TENM2: variants seen among roughly 807,000 people sequenced by gnomAD.
TENM2 encodes the protein teneurin transmembrane protein 2.
Under a neutral mutation model 245.2 loss-of-function variants are expected in TENM2, and 52 were observed. That is an observed-to-expected ratio of 0.21 (90% CI 0.17 to 0.27). TENM2 has a LOEUF of 0.27. Among genes scored for constraint, TENM2 ranks in the 10% least tolerant of loss-of-function variants. The probability of loss-of-function intolerance (pLI) is 1.00; values close to 1 mark genes in which losing one functional copy is unlikely to be tolerated. For synonymous variants in TENM2, 1,363 were observed against 1,438.9 expected (o/e 0.95, Z 1.19); for missense variants, 3,046 against 3,666.8 (o/e 0.83, Z 4.37).
intron 2 of TENM2, among the ~76,000 whole-genome samples, chr5:167,485,226 G>A (rs769781596): frequency 2.0e-5 from 3 of 152,158 alleles, no homozygotes; most frequent in African/African-American, 4.8e-5. Context: ...AGTGCTGGGA[G>A]AACTGAAGAC....
At chr5:167,775,046 C>T (rs1002804153) in intron 2 of TENM2, among the ~76,000 whole-genome samples, 8 of 152,012 alleles carry the variant, frequency 5.3e-5, no homozygotes, top group East Asian at 1.9e-4. Flanking sequence ...CTCGGCTCAC[C>T]GCAACCTCCA....
chr5:167,911,955 T>C (rs554338339), intron 3 of TENM2, among the ~76,000 whole-genome samples: 1 of 152,360 alleles, frequency 6.6e-6, no homozygotes, highest in South Asian at 2.1e-4. Flanking sequence ...TGTTATGGAA[T>C]AGCTAAATCA....
intron 25 of TENM2, among the ~76,000 whole-genome samples, chr5:168,242,156 A>C (rs1047205773): frequency 2.6e-5 from 4 of 152,216 alleles, no homozygotes; most frequent in Admixed American, 6.5e-5. Flanking sequence ...TCCTTTAAGA[A>C]TATTTCCCAG....
chr5:167,932,225 G>C (rs1044591484), intron 3 of TENM2, among the ~76,000 whole-genome samples: 4 of 152,068 alleles, frequency 2.6e-5, no homozygotes, highest in Non-Finnish European at 5.9e-5. Flanking sequence ...AATGGTGAGT[G>C]GATGTAACAT....
intron 2 of TENM2, among the ~76,000 whole-genome samples, chr5:167,537,913 G>T (rs180823456): frequency 3.3e-5 from 5 of 152,298 alleles, no homozygotes; most frequent in Non-Finnish European, 7.4e-5. Flanking sequence ...GTAAGTGGTG[G>T]TTACAAAGCC....
chr5:167,115,996 G>A, the TENM2 span, among the ~76,000 whole-genome samples: 1 of 152,160 alleles, frequency 6.6e-6, no homozygotes, highest in Non-Finnish European at 1.5e-5. Context: ...GAGAATTAAG[G>A]GAGATACTTT....
chr5:167,335,132 G>T (rs1167857641), intron 1 of TENM2, among the ~76,000 whole-genome samples: 1 of 152,222 alleles, frequency 6.6e-6, no homozygotes, highest in Non-Finnish European at 1.5e-5. Flanking sequence ...CAGCATGGCA[G>T]CATCTGCTTC....
intron 9 of TENM2, among the ~76,000 whole-genome samples, chr5:168,111,864 G>C (rs969544341): frequency 6.6e-6 from 1 of 151,716 alleles, no homozygotes; most frequent in Non-Finnish European, 1.5e-5. Context: ...TGAGTATCTT[G>C]TCTTACCTTT....
intron 5 of TENM2, among the ~76,000 whole-genome samples, chr5:168,033,990 GCA>G (rs1246104200): frequency 1.3e-5 from 2 of 149,704 alleles, no homozygotes; most frequent in African/African-American, 5.0e-5. Context: ...TCGCCCCACT[GCA>G]CTCCAGCCTG....
At chr5:168,241,599 T>A (rs1238811874) in intron 25 of TENM2, among the ~76,000 whole-genome samples, 1 of 152,056 alleles carries the variant, frequency 6.6e-6, no homozygotes, top group Non-Finnish European at 1.5e-5. Flanking sequence ...ATAATAAATA[T>A]TCTATCCTCT....
the TENM2 span, among the ~76,000 whole-genome samples, chr5:167,101,849 T>TATATATATATATATATATATATATA: frequency 2.9e-5 from 2 of 69,456 alleles, no homozygotes; most frequent in Non-Finnish European, 5.3e-5. Flanking sequence ...ATATATATAT[T>TATATATATATATATATATATATATA]TATATATATA....
At chr5:167,927,752 G>A (rs750936429) in intron 3 of TENM2, among the ~76,000 whole-genome samples, 6 of 152,132 alleles carry the variant, frequency 3.9e-5, no homozygotes, top group Non-Finnish European at 5.9e-5. Flanking sequence ...CTGGAGTGAG[G>A]TTGGTGTCAG....
intron 2 of TENM2, among the ~76,000 whole-genome samples, chr5:167,473,740 AATT>A (rs376401916): frequency 1.1e-3 from 173 of 152,278 alleles, no homozygotes; most frequent in African/African-American, 3.6e-3. Context: ...GCTAGTTACT[AATT>A]GTGTGATATT....
At chr5:166,996,532 A>G in the TENM2 span, among the ~76,000 whole-genome samples, 183 of 152,292 alleles carry the variant, frequency 1.2e-3, no homozygotes, top group African/African-American at 4.0e-3. Flanking sequence ...CTTTCGGCTT[A>G]TTAAATGTTT....
the TENM2 span, among the ~76,000 whole-genome samples, chr5:167,149,729 T>C: frequency 6.6e-6 from 1 of 152,170 alleles, no homozygotes; most frequent in African/African-American, 2.4e-5. Context: ...AATTCCTCTT[T>C]CAGAAAATCT....
At position 167,562,553 on chromosome 5, in the gene TENM2, C is replaced by T. The variant is rs560730025; in HGVS notation, c.502+187080C>T. On this transcript the variant is annotated intron_variant, in intron 2 of 28. Transcript: ENST00000518659. ...CACCTGAACTGAGAGCTGGAGGCCACGCTGCCAGCCTAGACTGTGCCTTTG... is the reference window on the plus strand; with the variant it reads ...CACCTGAACTGAGAGCTGGAGGCCATGCTGCCAGCCTAGACTGTGCCTTTG... Among the ~76,000 whole-genome samples the T allele has an allele frequency of 1.2e-3, 180 of 152,272 alleles. 1 individual carries two copies. The highest frequency in any genetic ancestry group is 4.2e-3 in the African/African-American group (173 of 41,562).
At chr5:167,950,620 AG>A (rs1251518780) in intron 3 of TENM2, among the ~76,000 whole-genome samples, 1 of 152,080 alleles carries the variant, frequency 6.6e-6, no homozygotes, top group Non-Finnish European at 1.5e-5. Flanking sequence ...GAGTTGAGAG[AG>A]GGGGAAAGAA....
intron 2 of TENM2, among the ~76,000 whole-genome samples, chr5:167,405,796 A>G (rs760816788): frequency 7.3e-5 from 11 of 151,628 alleles, no homozygotes; most frequent in Non-Finnish European, 1.5e-4. Flanking sequence ...ACACACACAC[A>G]CACGCACACA....
At chr5:168,183,381 A>T (rs1760097213) in intron 13 of TENM2, among the ~76,000 whole-genome samples, 1 of 144,398 alleles carries the variant, frequency 6.9e-6, no homozygotes, top group Non-Finnish European at 1.5e-5. Context: ...GGGGCCCAGC[A>T]CAAAAAAAAA....
Sources: allele counts gnomAD v4.1 joint callset (sites outside exome capture counted in the v4.1 genomes callset), GRCh38; gene constraint gnomAD v4.1.1; transcripts MANE v1.5; gene names NCBI Gene and HGNC (gene_info 2026-07-23, HGNC 2026-07-21).